Variants in TLL2 observed in about 807,000 individuals in gnomAD.
TLL2 encodes the protein tolloid-like protein 2.
TLL2 carries 106 observed loss-of-function variants against 123.0 expected under a neutral mutation model. The observed-to-expected ratio is 0.86, with a 90% CI of 0.74 to 1.01. The LOEUF is 1.01. Ranked by LOEUF, TLL2 falls within the 50% of genes least tolerant of loss-of-function variation. TLL2 has a pLI of 0.00. For missense variants in TLL2, 1,332 were observed against 1,336.7 expected (o/e 1.00, Z 0.06); for synonymous variants, 494 against 516.8 (o/e 0.96, Z 0.60).
chr10:96,432,818 C>A lies in TLL2; in HGVS notation c.509G>T (p.Gly170Val). ...CTGTGGCTACTGACCAGTGAAGTTC[C>A]CTCCAATGACGTAGGGGATGACTCC... ...PGGVIPYVIG[G>V]NFTGSQRAIF... Residue 170 changes from glycine to valine, a missense_variant, in exon 4 of 21, where the codon GGG becomes GTG. Physicochemically the swap from Gly to Val is moderately radical, Grantham distance 109. Coordinates refer to ENST00000357947, the MANE Select transcript of TLL2 (RefSeq NM_012465.4). The A allele has an allele frequency of 6.2e-7, 1 of 1,613,962 alleles. No individual in the cohort carries two copies. The highest frequency in any genetic ancestry group is 8.5e-7 in the Non-Finnish European group (1 of 1,179,926).
At chr10:96,441,720 C>G (rs573405684) in intron 3 of TLL2, among the ~76,000 whole-genome samples, 6 of 152,132 alleles carry the variant, frequency 3.9e-5, no homozygotes, top group African/African-American at 1.2e-4. Context: ...CAAATGCCTG[C>G]GGTGAGTAAG....
chr10:96,493,176 T>TGAG lies in TLL2; in HGVS notation c.176-12720_176-12718dup, dbSNP rs572256476. ...GTGCATCATCATACCCAGTGTCAGG[T>TGAG]GAGGACTGTAGGCACAGAGAGATTT... On this transcript the variant is annotated intron_variant, in intron 1 of 20. Transcript: ENST00000357947. Among the ~76,000 whole-genome samples, 513 of 152,210 alleles carry TGAG rather than the reference T, an allele frequency of 3.4e-3. 4 individuals are homozygous for TGAG. The highest frequency in any genetic ancestry group is 0.01 in the African/African-American group (433 of 41,522).
chr10:96,405,989 G>T (rs1013672111), intron 9 of TLL2, among the ~76,000 whole-genome samples: 5 of 152,190 alleles, frequency 3.3e-5, no homozygotes, highest in Non-Finnish European at 7.3e-5. Context: ...CCAAGCCAAT[G>T]AGAACACTAT....
intron 2 of TLL2, among the ~76,000 whole-genome samples, chr10:96,452,956 C>A (rs1846975443): frequency 6.6e-6 from 1 of 152,128 alleles, no homozygotes. Flanking sequence ...TGCCAAGTAA[C>A]TTTTATATCC....
rs199935164 is a variant in TLL2 at position 96,432,899 on chromosome 10, A to T, written c.428T>A (p.Phe143Tyr). 3.3e-5 allele frequency: 54 copies of T among 1,613,960 alleles called. No individual in the cohort carries two copies. Among genetic ancestry groups the T allele is most frequent in the Non-Finnish European group, 3.9e-5 (46 of 1,179,972 alleles). ...PGTLHAAAKT[F>Y]SPRVRRATTS... ...TGTGGCTCTTCGGACCCGGGGAGAGAAGGTCTTGGCTGCGGCATGCAAGGT... is the reference window on the plus strand; with the variant it reads ...TGTGGCTCTTCGGACCCGGGGAGAGTAGGTCTTGGCTGCGGCATGCAAGGT... Residue 143 changes from phenylalanine (F) to tyrosine (Y), a missense_variant, in exon 4 of 21, where the codon TTC becomes TAC. Transcript: ENST00000357947.
At chr10:96,466,836 C>T (rs1374446877) in intron 2 of TLL2, among the ~76,000 whole-genome samples, 1 of 152,226 alleles carries the variant, frequency 6.6e-6, no homozygotes, top group Admixed American at 6.5e-5. Flanking sequence ...GTCCCCATTA[C>T]ACTCAGGGAA....
chr10:96,469,564 C>T (rs1847159108), intron 2 of TLL2, among the ~76,000 whole-genome samples: 1 of 152,184 alleles, frequency 6.6e-6, no homozygotes, highest in African/African-American at 2.4e-5. Context: ...TGACAGCTGT[C>T]ACCTGGGGCC....
At chr10:96,382,515 C>T (rs1260279908) in intron 16 of TLL2, among the ~76,000 whole-genome samples, 1 of 152,224 alleles carries the variant, frequency 6.6e-6, no homozygotes, top group Non-Finnish European at 1.5e-5. Flanking sequence ...TAAGAGGGTG[C>T]TACGGTTTGA....
intron 18 of TLL2, among the ~76,000 whole-genome samples, chr10:96,374,981 C>T (rs1343601909): frequency 2.0e-5 from 2 of 102,132 alleles, no homozygotes; most frequent in African/African-American, 9.1e-5. Flanking sequence ...GGGGGGGTGT[C>T]AATTCAAAAG....
intron 1 of TLL2, among the ~76,000 whole-genome samples, chr10:96,504,578 C>T (rs1847561237): frequency 6.7e-6 from 1 of 150,208 alleles, no homozygotes; most frequent in Admixed American, 6.6e-5. Context: ...CCACTGCACA[C>T]ACACAAAAAG....
chr10:96,455,527 A>G (rs563059878), intron 2 of TLL2, among the ~76,000 whole-genome samples: 1 of 152,254 alleles, frequency 6.6e-6, no homozygotes, highest in South Asian at 2.1e-4. Flanking sequence ...CTTGCTGATA[A>G]AACAGGTTGT....
intron 2 of TLL2, among the ~76,000 whole-genome samples, chr10:96,456,356 G>A (rs889007451): frequency 2.0e-5 from 3 of 152,182 alleles, no homozygotes; most frequent in Non-Finnish European, 2.9e-5. Context: ...GTATTCTGAG[G>A]TGTGAAGTTC....
chr10:96,430,593 C>T (rs1270149747), intron 4 of TLL2, among the ~76,000 whole-genome samples: 2 of 152,228 alleles, frequency 1.3e-5, no homozygotes, highest in African/African-American at 4.8e-5. Context: ...TAAAGAATAA[C>T]AGCTGGGCAT....
At chr10:96,391,254 C>T (rs1335300640) in intron 13 of TLL2, among the ~76,000 whole-genome samples, 1 of 152,176 alleles carries the variant, frequency 6.6e-6, no homozygotes, top group Non-Finnish European at 1.5e-5. Context: ...TTTACTGAGC[C>T]TACTGTGTGC....
intron 1 of TLL2, among the ~76,000 whole-genome samples, chr10:96,509,450 T>C (rs1440516091): frequency 1.3e-5 from 2 of 152,250 alleles, no homozygotes; most frequent in African/African-American, 4.8e-5. Flanking sequence ...GGAGGCATTC[T>C]GTAAGCTCCT....
chr10:96,425,794 C>G (rs961974217), intron 5 of TLL2, among the ~76,000 whole-genome samples: 1 of 152,032 alleles, frequency 6.6e-6, no homozygotes, highest in East Asian at 1.9e-4. Flanking sequence ...CCCATCAGTG[C>G]AAACATTGCC....
At chr10:96,452,260 G>T (rs766446684) in intron 2 of TLL2, among the ~76,000 whole-genome samples, 1 of 152,192 alleles carries the variant, frequency 6.6e-6, no homozygotes, top group Non-Finnish European at 1.5e-5. Flanking sequence ...TCTCAGAGTC[G>T]GTGACATTTG....
intron 13 of TLL2, among the ~76,000 whole-genome samples, chr10:96,394,181 G>C (rs1386245840): frequency 6.6e-6 from 1 of 152,202 alleles, no homozygotes; most frequent in Non-Finnish European, 1.5e-5. Flanking sequence ...TAGGAGAGGA[G>C]GGAAGAGGAG....
In TLL2 at chr10:96,486,694, C is replaced by T. The variant is rs968963098; in HGVS notation, c.176-6235G>A. 7.2e-5 allele frequency among the ~76,000 whole-genome samples: 11 copies of T among 152,216 alleles called. 1 individual carries two copies. Among genetic ancestry groups the T allele is most frequent in the African/African-American group, 2.7e-4 (11 of 41,470 alleles). On this transcript the variant is annotated intron_variant, in intron 1 of 20. Transcript: ENST00000357947. Reference sequence around the variant, plus strand: ...AGAATCCCAGATGCATGCTTCAGAACCTGGAAGTTCACTCCCTTGAACCAT... The same window carrying T: ...AGAATCCCAGATGCATGCTTCAGAATCTGGAAGTTCACTCCCTTGAACCAT...
Sources: allele counts gnomAD v4.1 joint callset (sites outside exome capture counted in the v4.1 genomes callset), GRCh38; gene constraint gnomAD v4.1.1; transcripts MANE v1.5; gene names NCBI Gene and HGNC (gene_info 2026-07-23, HGNC 2026-07-21).